The following GDA variants were observed in gnomAD, a reference collection of about 807,000 sequenced individuals.
GDA encodes cytoplasmic PSD-95 interactor.
A neutral mutation model predicts 59.6 loss-of-function variants in GDA; 18 were observed. That is an observed-to-expected ratio of 0.30 (90% CI 0.21 to 0.45). The LOEUF (loss-of-function observed/expected upper bound fraction) is 0.45. Ranked by LOEUF, GDA falls within the 20% of genes least tolerant of loss-of-function variation. The pLI is 1.00. For synonymous variants in GDA, 201 were observed against 201.1 expected, an observed-to-expected ratio of 1.00 and a Z score of 0.00; for missense variants, 427 against 552.3, an observed-to-expected ratio of 0.77 and a Z score of 2.27.
At chr9:72,158,188 G>A (rs1431771636) in intron 1 of GDA, among the ~76,000 whole-genome samples, 2 of 152,098 alleles carry the variant, frequency 1.3e-5, no homozygotes, top group Non-Finnish European at 2.9e-5. Flanking sequence ...GTATTTTACA[G>A]GTAGTTAAGA....
intron 1 of GDA, among the ~76,000 whole-genome samples, chr9:72,177,092 C>CTTTTT (rs58433062): frequency 4.6e-4 from 31 of 67,784 alleles, no homozygotes; most frequent in East Asian, 9.1e-4. Flanking sequence ...TTATAAACTG[C>CTTTTT]TTTTTTTTTT....
intron 1 of GDA, among the ~76,000 whole-genome samples, chr9:72,127,914 C>T (rs1825900427): frequency 6.6e-6 from 1 of 152,128 alleles, no homozygotes; most frequent in Non-Finnish European, 1.5e-5. Flanking sequence ...TTTTATGTAT[C>T]TGTTTATCTT....
At chr9:72,245,053 A>T (rs1407483632) in intron 11 of GDA, 95 bp from the exon 12 acceptor site, 9 of 1,151,786 alleles carry the variant, frequency 7.8e-6, no homozygotes, top group Admixed American at 4.5e-5. Flanking sequence ...TTTTTCTCCT[A>T]GCGACATGTT....
intron 4 of GDA, among the ~76,000 whole-genome samples, chr9:72,213,683 G>C (rs954631501): frequency 1.7e-4 from 26 of 151,596 alleles, no homozygotes; most frequent in Admixed American, 1.1e-3. Flanking sequence ...GGCGCCTGTA[G>C]TCCCAGCTAC....
At chr9:72,126,185 G>C (rs191472577) in intron 1 of GDA, among the ~76,000 whole-genome samples, 12 of 152,234 alleles carry the variant, frequency 7.9e-5, no homozygotes, top group African/African-American at 2.9e-4. Flanking sequence ...ACGGACGTGA[G>C]CCACTGCACC....
chr9:72,239,163 GA>G (rs1463703195), intron 10 of GDA, among the ~76,000 whole-genome samples: 1 of 151,840 alleles, frequency 6.6e-6, no homozygotes, highest in African/African-American at 2.4e-5. Context: ...GAAATCCCTG[GA>G]AAAAAAGGCT....
At chr9:72,219,149 A>G (rs1296181754) in intron 5 of GDA, among the ~76,000 whole-genome samples, 1 of 152,146 alleles carries the variant, frequency 6.6e-6, no homozygotes, top group African/African-American at 2.4e-5. Context: ...TCACGCCTGT[A>G]ATCCCAGCAC....
upstream of GDA, among the ~76,000 whole-genome samples, chr9:72,146,750 C>A (rs1185652904): frequency 6.6e-6 from 1 of 152,170 alleles, no homozygotes; most frequent in Non-Finnish European, 1.5e-5. Flanking sequence ...CCTCAGCCTC[C>A]CAAAGTGCTG....
chr9:72,147,915 T>C (rs945948502), upstream of GDA, among the ~76,000 whole-genome samples: 2 of 152,190 alleles, frequency 1.3e-5, no homozygotes, highest in Non-Finnish European at 2.9e-5. Context: ...GGATCCCTGG[T>C]AGGGTGATCA....
chr9:72,157,740 TATTGCCTCTAAGTTTCA>T (rs1340609318), intron 1 of GDA, among the ~76,000 whole-genome samples: 1 of 152,236 alleles, frequency 6.6e-6, no homozygotes, highest in Non-Finnish European at 1.5e-5. Flanking sequence ...TATGGCTCAC[TATTGCCTCTAAGTTTCA>T]AATGTCCTGG....
chr9:72,198,038 CG>C (rs911333391), intron 2 of GDA, among the ~76,000 whole-genome samples: 2 of 151,932 alleles, frequency 1.3e-5, no homozygotes, highest in African/African-American at 4.8e-5. Flanking sequence ...TTAAAAGCAG[CG>C]GGGGAGGGGC....
chr9:72,140,613 C>T (rs978440611), intron 1 of GDA, among the ~76,000 whole-genome samples: 2 of 152,066 alleles, frequency 1.3e-5, no homozygotes, highest in African/African-American at 4.8e-5. Flanking sequence ...AAAAATTATA[C>T]ATATTAATGA....
chr9:72,249,402 T>C lies in GDA; in HGVS notation c.*1060T>C. The stretch of plus-strand genomic sequence containing the variant: ...TGTTAAAGAAATATTGTTAAAAATC[T>C]TTAAACCCTGTGTATTGAAAGCACT... On this transcript the variant is annotated 3_prime_UTR_variant, in exon 14 of 14. Transcript: ENST00000358399. 1 of 959,494 alleles carries C rather than the reference T, an allele frequency of 1.0e-6. No individual in the cohort carries two copies. Among genetic ancestry groups the C allele is most frequent in the Non-Finnish European group, 1.2e-6 (1 of 806,280 alleles). The allele number at this position is 959,494 out of a possible 1,614,324, so 59.4% of individuals were successfully genotyped here.
At chr9:72,233,857 G>A (rs1320540193) in intron 10 of GDA, among the ~76,000 whole-genome samples, 4 of 152,124 alleles carry the variant, frequency 2.6e-5, no homozygotes, top group African/African-American at 7.2e-5. Context: ...CAGGAGGATC[G>A]CTTGAGCTTG....
Position 72,149,563 on chromosome 9 carries a change from T to G in GDA, c.4T>G (p.Cys2Gly). Residue 2 changes from cysteine (C) to glycine (G), a missense_variant, in exon 1 of 14, where the codon TGT becomes GGT. Transcript: ENST00000358399. ...CGCGCTGCGCTCCGCCGCTGACATG[T>G]GTGCCGCTCAGATGCCGCCCCTGGC... M[C>G]AAQMPPLAHI... 1 of 1,610,948 alleles carries G rather than the reference T, an allele frequency of 6.2e-7. No homozygotes were observed. The highest frequency in any genetic ancestry group is 8.5e-7 in the Non-Finnish European group (1 of 1,179,134).
chr9:72,201,110 C>T (rs1300970695), intron 2 of GDA, among the ~76,000 whole-genome samples: 4 of 151,840 alleles, frequency 2.6e-5, no homozygotes, highest in African/African-American at 9.7e-5. Context: ...ATTGTTCTTA[C>T]ACACACTAAA....
intron 1 of GDA, among the ~76,000 whole-genome samples, chr9:72,120,070 G>C (rs1425070927): frequency 6.6e-6 from 1 of 152,084 alleles, no homozygotes; most frequent in Non-Finnish European, 1.5e-5. Flanking sequence ...CTGCTTGCCT[G>C]CTTCTCTCTC....
intron 10 of GDA, among the ~76,000 whole-genome samples, chr9:72,240,951 A>T (rs1052587594): frequency 1.4e-4 from 22 of 152,228 alleles, no homozygotes; most frequent in African/African-American, 5.3e-4. Context: ...TAGGAAACTA[A>T]TACAAGTATG....
chr9:72,132,765 C>T (rs1826070064), intron 1 of GDA, among the ~76,000 whole-genome samples: 1 of 152,146 alleles, frequency 6.6e-6, no homozygotes, highest in African/African-American at 2.4e-5. Flanking sequence ...CCTCCCACTA[C>T]TCCAACACTA....
Sources: gnomAD v4.1 joint callset for allele counts (sites outside exome capture counted in the v4.1 genomes callset) on GRCh38, gnomAD v4.1.1 for gene constraint, MANE v1.5 for transcripts, NCBI Gene and HGNC (gene_info 2026-07-23, HGNC 2026-07-21) for gene names.